CFAP74: variants seen among roughly 807,000 people sequenced by gnomAD.
CFAP74 encodes the protein cilia- and flagella-associated protein 74.
A neutral mutation model predicts 188.9 loss-of-function variants in CFAP74; 124 were observed. The ratio of observed to expected loss-of-function variants is 0.66; its 90% CI spans 0.57 to 0.76. The LOEUF (loss-of-function observed/expected upper bound fraction) is 0.76, where lower values mean the gene tolerates loss of function less well. Among genes scored for constraint, CFAP74 ranks in the 30% least tolerant of loss-of-function variants. CFAP74 has a pLI of 0.00. For missense variants in CFAP74, 2,198 were observed against 2,165.2 expected, an observed-to-expected ratio of 1.02 and a Z score of -0.30; for synonymous variants, 956 against 916.7, an observed-to-expected ratio of 1.04 and a Z score of -0.77.
rs1653665849 is a variant in CFAP74 at position 1,945,202 on chromosome 1, G to C, written c.2365-750C>G. Among the ~76,000 whole-genome samples the C allele has an allele frequency of 4.6e-5, 7 of 152,112 alleles. 1 individual carries two copies. In the South Asian group the frequency reaches 1.4e-3, roughly 32 times the overall value. ...TGTGCCTGTGGTCCCAGCTACGTGGGAGGCTGAGGTGGGAGAATCGCTTGA... is the reference window on the plus strand; with the variant it reads ...TGTGCCTGTGGTCCCAGCTACGTGGCAGGCTGAGGTGGGAGAATCGCTTGA... On this transcript the variant is annotated intron_variant, in intron 20 of 38. Coordinates refer to ENST00000682832, the MANE Select transcript of CFAP74 (RefSeq NM_001304360.2).
At chr1:1,938,216 T>A (rs12729879) in intron 25 of CFAP74, among the ~76,000 whole-genome samples, 1 of 133,326 alleles carries the variant, frequency 7.5e-6, no homozygotes, top group Non-Finnish European at 1.6e-5. Flanking sequence ...CACACATACA[T>A]GCACTCACAG....
chr1:1,969,267 C>T (rs1197101631), intron 10 of CFAP74, among the ~76,000 whole-genome samples: 2 of 135,212 alleles, frequency 1.5e-5, no homozygotes, highest in Non-Finnish European at 3.2e-5. Flanking sequence ...CCAACCCAGC[C>T]CTGCCCTGCC....
rs1223456740 is a variant in CFAP74 at position 1,949,143 on chromosome 1, C to CCCTT, written c.2177-2093_2177-2090dup. ...TCTTCCCTTCCCTCCCTCCCTCCCT[C>CCCTT]CCTTCCTTCCCCTCCCTCCCTCCTT... On this transcript the variant is annotated intron_variant, in intron 18 of 38. Transcript: ENST00000682832. 1.6e-3 allele frequency among the ~76,000 whole-genome samples: 182 copies of CCCTT among 115,896 alleles called. 9 individuals are homozygous for CCCTT. In the East Asian group the frequency reaches 0.036, roughly 23 times the overall value. 76.0% of individuals were successfully genotyped at this position (115,896 alleles called of 152,430 possible).
rs562663966 is a variant in CFAP74 at position 1,956,743 on chromosome 1, C to G, written c.1893G>C (p.Val631=). Reference sequence around the variant, plus strand: ...TGGTCCGAGACGTGGTCTCTCCTACCACGTAGCTGCCGAAGTCAATGAGCT... The same window carrying G: ...TGGTCCGAGACGTGGTCTCTCCTACGACGTAGCTGCCGAAGTCAATGAGCT... The part of the protein sequence containing the change: ...DKELIDFGSY[V]VGETTSRTIT... Residue 631 remains valine (V), a synonymous_variant, in exon 17 of 39, where the codon GTG becomes GTC. Coordinates refer to ENST00000682832, the MANE Select transcript of CFAP74 (RefSeq NM_001304360.2). 1 of 1,613,614 alleles carries G rather than the reference C, an allele frequency of 6.2e-7. No homozygotes were observed. The highest frequency in any genetic ancestry group is 8.5e-7 in the Non-Finnish European group (1 of 1,179,840).
rs775465632 is a variant in CFAP74, at chr1:1,923,771, G to A, written c.4389+4C>T. 36 of 1,613,122 alleles carry A rather than the reference G, an allele frequency of 2.2e-5. No homozygotes were observed. In the Admixed American group the frequency reaches 3.7e-4, roughly 16 times the overall value. The stretch of plus-strand genomic sequence containing the variant: ...GGGCTGAGCTTGCAGAGCCAGAGCC[G>A]CACCTTTTCAAAGAGCACCACCTGG... On this transcript the variant is annotated splice_donor_region_variant and intron_variant, in intron 35 of 38. Transcript: ENST00000682832. The surrounding 1 kb of genome is among the most constrained non-coding windows in gnomAD (Gnocchi z 6.3).
Position 1,928,826 on chromosome 1 carries a change from C to A in CFAP74, c.3345G>T (p.Gln1115His). The A allele has an allele frequency of 6.5e-7, 1 of 1,535,718 alleles. No homozygotes were observed. Among genetic ancestry groups the A allele is most frequent in the East Asian group, 2.4e-5 (1 of 40,904 alleles). ...CTTTGTTCAGGAGTGGGAGGGCTTC[C>A]TGGCGGATCAGCTTCTCGGGCAGCA... ...RPVLPEKLIR[Q>H]EALPLLNKEM... The change falls in exon 27 of 39, where the codon CAG becomes CAT. Residue 1115 changes from glutamine to histidine, a missense_variant. Coordinates refer to ENST00000682832, the MANE Select transcript of CFAP74 (RefSeq NM_001304360.2).
At chr1:1,991,908 C>T (rs1458811551) in intron 1 of CFAP74, among the ~76,000 whole-genome samples, 2 of 151,800 alleles carry the variant, frequency 1.3e-5, no homozygotes, top group East Asian at 2.0e-4. Flanking sequence ...GGCATGGTGG[C>T]AGGCGCCTGC....
Position 1,973,040 on chromosome 1 carries a change from G to T in CFAP74, c.682C>A (p.Leu228Met). The change falls in exon 8 of 39, where the codon CTG becomes ATG. Residue 228 changes from leucine (L) to methionine (M), a missense_variant. Physicochemically the swap from Leu to Met is conservative, Grantham distance 15. Coordinates refer to ENST00000682832, the MANE Select transcript of CFAP74 (RefSeq NM_001304360.2). The surrounding 1 kb of genome is among the most constrained non-coding windows in gnomAD (Gnocchi z 6.2). ...RNRLLRIRKSLNTQKELGLRH... is the reference protein window; with the variant it reads ...RNRLLRIRKSMNTQKELGLRH... ...AGCCCGAGCTCCTTCTGGGTGTTCAGGGACTTCCTGTGGGGATATGGGGCC... is the reference window on the plus strand; with the variant it reads ...AGCCCGAGCTCCTTCTGGGTGTTCATGGACTTCCTGTGGGGATATGGGGCC... 6.2e-7 allele frequency: 1 copy of T among 1,613,250 alleles called. No individual in the cohort carries two copies. The highest frequency in any genetic ancestry group is 8.5e-7 in the Non-Finnish European group (1 of 1,179,526).
intron 1 of CFAP74, among the ~76,000 whole-genome samples, chr1:2,001,113 G>A (rs775702246): frequency 2.0e-5 from 3 of 152,076 alleles, no homozygotes; most frequent in East Asian, 3.9e-4. Flanking sequence ...GGAGGGTGCC[G>A]GTGTGCGTGG....
chr1:1,942,045 C>A lies in CFAP74; in HGVS notation c.2598G>T (p.Gln866His). ...YIQAQSSYSV[Q>H]LKFLPRHSLP... Reference sequence around the variant, plus strand: ...GCACCTACCGCGGCAGGAACTTGAGCTGCACGGAGTAGGACGACTGTGCCT... The same window carrying A: ...GCACCTACCGCGGCAGGAACTTGAGATGCACGGAGTAGGACGACTGTGCCT... The change falls in exon 22 of 39, where the codon CAG (glutamine) becomes CAT (histidine). Residue 866 changes from glutamine (Q) to histidine (H), a missense_variant. Gln to His is a conservative substitution (Grantham distance 24). Coordinates refer to ENST00000682832, the MANE Select transcript of CFAP74 (RefSeq NM_001304360.2). The surrounding 1 kb of genome is among the most constrained non-coding windows in gnomAD (Gnocchi z 4.3). 1 of 1,516,850 alleles carries A rather than the reference C, an allele frequency of 6.6e-7. No individual in the cohort carries two copies. Among genetic ancestry groups the A allele is most frequent in the Non-Finnish European group, 8.8e-7 (1 of 1,138,534 alleles). The allele number at this position is 1,516,850 out of a possible 1,614,324, so 94.0% of individuals were successfully genotyped here.
chr1:1,944,581 G>A, intron 20 of CFAP74, 129 bp from the exon 21 acceptor site: 2 of 921,178 alleles, frequency 2.2e-6, no homozygotes, highest in Non-Finnish European at 1.6e-6. Flanking sequence ...TGGGACGGCT[G>A]TGGCACTTTT....
rs1293344178 is a variant in CFAP74 at position 1,974,662 on chromosome 1, C to T, written c.501-464G>A. ...GAGCGTGGAGTCAGCCAGCCCTGCC[C>T]GGGGCCACATGTCCTGGATGACAGG... On this transcript the variant is annotated intron_variant, in intron 6 of 38. Transcript: ENST00000682832. Among the ~76,000 whole-genome samples, 9 of 152,346 alleles carry T rather than the reference C, an allele frequency of 5.9e-5. No individual in the cohort carries two copies. In the East Asian group the frequency reaches 1.2e-3, roughly 20 times the overall value.
At chr1:1,961,882 C>T (rs1392434622) in intron 14 of CFAP74, among the ~76,000 whole-genome samples, 1 of 152,222 alleles carries the variant, frequency 6.6e-6, no homozygotes, top group Non-Finnish European at 1.5e-5. Flanking sequence ...AATACCAAGT[C>T]CCAGTGAGTC....
chr1:1,991,072 A>T, intron 1 of CFAP74, 97 bp from the exon 2 acceptor site: 1 of 791,594 alleles, frequency 1.3e-6, no homozygotes, highest in South Asian at 1.8e-5. Flanking sequence ...AAGAAAACAA[A>T]CGACAGATTA....
chr1:1,977,246 G>A (rs189221233), intron 6 of CFAP74, among the ~76,000 whole-genome samples: 1 of 152,310 alleles, frequency 6.6e-6, no homozygotes, highest in Admixed American at 6.5e-5. Flanking sequence ...AATTTCAGGG[G>A]CACTGGCCTT....
At chr1:1,943,222 C>G (rs532049687) in intron 21 of CFAP74, among the ~76,000 whole-genome samples, 3 of 152,246 alleles carry the variant, frequency 2.0e-5, no homozygotes, top group Non-Finnish European at 2.9e-5. Flanking sequence ...GCCCGACAGA[C>G]ACGCCTGGGC....
At position 1,926,891 on chromosome 1, in the gene CFAP74, C is replaced by A. The variant is rs1193603909; in HGVS notation, c.3662+3G>T. 2 of 1,549,880 alleles carry A rather than the reference C, an allele frequency of 1.3e-6. No homozygotes were observed. The highest frequency in any genetic ancestry group is 1.7e-6 in the Non-Finnish European group (2 of 1,146,772). Reference sequence around the variant, plus strand: ...ACCCTGTTCTGGCCAGAGCACCCCGCACCTGAAGCTCAGGGGTTCTGACCC... The same window carrying A: ...ACCCTGTTCTGGCCAGAGCACCCCGAACCTGAAGCTCAGGGGTTCTGACCC... On this transcript the variant is annotated splice_donor_region_variant and intron_variant, in intron 29 of 38. Coordinates refer to ENST00000682832, the MANE Select transcript of CFAP74 (RefSeq NM_001304360.2).
chr1:1,972,307 G>A (rs977025651), intron 8 of CFAP74, among the ~76,000 whole-genome samples: 2 of 152,202 alleles, frequency 1.3e-5, no homozygotes, highest in African/African-American at 2.4e-5. Context: ...CAGGAGCCTC[G>A]GTGCTATCAT....
At chr1:1,930,431 G>T in intron 25 of CFAP74, 95 bp from the exon 26 acceptor site, 4 of 1,274,344 alleles carry the variant, frequency 3.1e-6, no homozygotes, top group Non-Finnish European at 3.1e-6. Flanking sequence ...ACAAGCCCCG[G>T]GGGGGGCTCA....
Sources: gnomAD v4.1 joint callset for allele counts (sites outside exome capture counted in the v4.1 genomes callset) on GRCh38, gnomAD v4.1.1 for gene constraint, Gnocchi (gnomAD v3.1) non-coding constraint, MANE v1.5 for transcripts, NCBI Gene and HGNC (gene_info 2026-07-23, HGNC 2026-07-21) for gene names.